Variants in ITGB8 observed in about 807,000 individuals in gnomAD.
ITGB8 encodes the protein integrin subunit beta 8, also known as integrin beta-8.
A neutral mutation model predicts 89.5 loss-of-function variants in ITGB8; 30 were observed. That is an observed-to-expected ratio of 0.34 (90% CI 0.25 to 0.45). ITGB8 has a LOEUF of 0.45. Among genes scored for constraint, ITGB8 ranks in the 20% least tolerant of loss-of-function variants. The pLI is 1.00. For synonymous variants in ITGB8, 335 were observed against 320.4 expected, an observed-to-expected ratio of 1.05 and a Z score of -0.49; for missense variants, 836 against 933.3, an observed-to-expected ratio of 0.90 and a Z score of 1.36.
chr7:20,374,938 G>T (rs1005688605), intron 3 of ITGB8, among the ~76,000 whole-genome samples: 1 of 152,160 alleles, frequency 6.6e-6, no homozygotes, highest in Non-Finnish European at 1.5e-5. Context: ...GACGATAGAG[G>T]TAGACATATG....
At chr7:20,388,493 CAGT>C (rs1333339758) in intron 6 of ITGB8, among the ~76,000 whole-genome samples, 2 of 152,166 alleles carry the variant, frequency 1.3e-5, no homozygotes, top group Admixed American at 1.3e-4. Context: ...CTTCTGTCAA[CAGT>C]GGTTTATTTA....
rs539311415 is a variant in ITGB8, at chr7:20,413,988, A to C, written c.*3991A>C. ...TTTCTTTTATAATTCCTCTATAGCAAATTTTTATGTATAACTGATTATACA... is the reference window on the plus strand; with the variant it reads ...TTTCTTTTATAATTCCTCTATAGCACATTTTTATGTATAACTGATTATACA... On this transcript the variant is annotated 3_prime_UTR_variant, in exon 14 of 14. Transcript: ENST00000222573. 1.3e-5 allele frequency: 2 copies of C among 151,924 alleles called. No individual in the cohort carries two copies. The highest frequency in any genetic ancestry group is 3.9e-4 in the East Asian group (2 of 5,192). 9.4% of individuals were successfully genotyped at this position (151,924 alleles called of 1,614,324 possible).
intron 1 of ITGB8, among the ~76,000 whole-genome samples, chr7:20,349,519 TA>T (rs956119731): frequency 6.6e-6 from 1 of 152,088 alleles, no homozygotes; most frequent in Non-Finnish European, 1.5e-5. Context: ...ATATAATAAA[TA>T]AGTTTTGAAT....
chr7:20,385,289 T>A (rs775991170), intron 6 of ITGB8, among the ~76,000 whole-genome samples: 4 of 152,226 alleles, frequency 2.6e-5, no homozygotes, highest in Non-Finnish European at 4.4e-5. Flanking sequence ...CAGTTTTAAA[T>A]AGCGAGATTC....
chr7:20,405,327 A>ATATAT (rs143005781), intron 11 of ITGB8, among the ~76,000 whole-genome samples: 1,654 of 139,222 alleles, frequency 0.012, 31 homozygotes, highest in African/African-American at 0.045. Flanking sequence ...ATATATATAT[A>ATATAT]TTTTTTTTTT....
At chr7:20,339,902 C>A (rs777795545) in intron 1 of ITGB8, among the ~76,000 whole-genome samples, 11 of 152,130 alleles carry the variant, frequency 7.2e-5, no homozygotes, top group Admixed American at 3.3e-4. Flanking sequence ...GTGGCAGACA[C>A]CTGTAATCCC....
Position 20,379,116 on chromosome 7 carries a change from C to G in ITGB8, c.454C>G (p.Leu152Val). 2 of 1,598,284 alleles carry G rather than the reference C, an allele frequency of 1.3e-6. No individual in the cohort carries two copies. Among genetic ancestry groups the G allele is most frequent in the Non-Finnish European group, 1.7e-6 (2 of 1,169,798 alleles). ...LKKYPVDLYY[L>V]VDVSASMHNN... ...GAAATATCCTGTGGATCTTTATTAT[C>G]TTGTTGATGTCTCAGCATCAATGCA... Residue 152 changes from leucine (L) to valine (V), a missense_variant, in exon 4 of 14, where the codon CTT becomes GTT. Around this residue, in one of 5 missense-constraint regions of ITGB8, gnomAD observed 38 missense variants for 52.2 expected, o/e 0.73. Transcript: ENST00000222573.
In ITGB8 at chr7:20,401,982, A is replaced by G; in HGVS notation, c.1543A>G (p.Lys515Glu). The G allele has an allele frequency of 6.2e-7, 1 of 1,614,208 alleles. No homozygotes were observed. The highest frequency in any genetic ancestry group is 8.5e-7 in the Non-Finnish European group (1 of 1,180,012). ...TTCTTCTGAGAGTTGCAAGTCACACAAGGATCAGCCTGTTTGCAGTGGTCG... is the reference window on the plus strand; with the variant it reads ...TTCTTCTGAGAGTTGCAAGTCACACGAGGATCAGCCTGTTTGCAGTGGTCG... ...QFSSESCKSH[K>E]DQPVCSGRGV... The change falls in exon 10 of 14, where the codon AAG becomes GAG. Residue 515 changes from lysine to glutamate, a missense_variant. Physicochemically the swap from Lys to Glu is moderately conservative, Grantham distance 56 (BLOSUM62 1). Coordinates refer to ENST00000222573, the MANE Select transcript of ITGB8 (RefSeq NM_002214.3).
chr7:20,390,364 T>A (rs1786805306), intron 6 of ITGB8, among the ~76,000 whole-genome samples: 1 of 152,144 alleles, frequency 6.6e-6, no homozygotes, highest in Non-Finnish European at 1.5e-5. Flanking sequence ...TTCGAGACAA[T>A]CATTTTAATT....
In ITGB8 at chr7:20,363,708, T is replaced by A; in HGVS notation, c.199T>A (p.Trp67Arg). Residue 67 changes from tryptophan to arginine, a missense_variant, in exon 2 of 14, where the codon TGG becomes AGG. Transcript: ENST00000222573. ...CCTTGCGCTGGGTCCAGAATGTGGA[T>A]GGTGTGTTCAAGAGGTGTGCCATTT... ...RCLALGPECGWCVQEDFISGG... is the reference protein window; with the variant it reads ...RCLALGPECGRCVQEDFISGG... 6.3e-7 allele frequency: 1 copy of A among 1,596,966 alleles called. No individual in the cohort carries two copies.
At chr7:20,384,932 T>TA (rs112802250) in intron 6 of ITGB8, among the ~76,000 whole-genome samples, 55,493 of 152,134 alleles carry the variant, frequency 0.36, 10,473 homozygotes, top group Non-Finnish European at 0.4. Context: ...AGTGCCAGAA[T>TA]AAAAAACTGT....
intron 10 of ITGB8, among the ~76,000 whole-genome samples, chr7:20,404,249 T>C (rs1562703320): frequency 1.3e-5 from 2 of 152,238 alleles, no homozygotes; most frequent in Non-Finnish European, 2.9e-5. Flanking sequence ...CCATATCAAA[T>C]ACCTGTATCT....
Position 20,363,675 on chromosome 7 carries a change from G to A in ITGB8, c.166G>A (p.Ala56Thr). The A allele has an allele frequency of 6.2e-7, 1 of 1,605,444 alleles. No individual in the cohort carries two copies. Among genetic ancestry groups the A allele is most frequent in the South Asian group, 1.1e-5 (1 of 89,042 alleles). ...RCASSNAASC[A>T]RCLALGPECG... ...TGCATCTTCAAATGCAGCATCCTGT[G>A]CCAGGTGCCTTGCGCTGGGTCCAGA... Residue 56 changes from alanine to threonine, a missense_variant, in exon 2 of 14, where the codon GCC (alanine) becomes ACC (threonine). By Grantham distance (58) the Ala-to-Thr change is moderately conservative. Around this residue, in one of 5 missense-constraint regions of ITGB8, gnomAD observed 182 missense variants for 177.0 expected, o/e 1.03. Transcript: ENST00000222573.
At chr7:20,339,781 A>C (rs1418759848) in intron 1 of ITGB8, among the ~76,000 whole-genome samples, 1 of 152,178 alleles carries the variant, frequency 6.6e-6, no homozygotes, top group Non-Finnish European at 1.5e-5. Context: ...TAATCTCAGC[A>C]CTTTGGGAGG....
At chr7:20,389,398 T>C (rs140800913) in intron 6 of ITGB8, among the ~76,000 whole-genome samples, 165 of 152,326 alleles carry the variant, frequency 1.1e-3, no homozygotes, top group African/African-American at 3.7e-3. Flanking sequence ...CTTAATAAGC[T>C]TCTGACCAAA....
At chr7:20,403,137 G>C (rs1401466364) in intron 10 of ITGB8, among the ~76,000 whole-genome samples, 1 of 152,134 alleles carries the variant, frequency 6.6e-6, no homozygotes, top group African/African-American at 2.4e-5. Context: ...ATGGAAAATT[G>C]TCTTTTTATT....
At chr7:20,364,262 C>T (rs1016375026) in intron 2 of ITGB8, among the ~76,000 whole-genome samples, 1 of 152,082 alleles carries the variant, frequency 6.6e-6, no homozygotes, top group Non-Finnish European at 1.5e-5. Context: ...AAGAAGCGAT[C>T]TGCTAATCTG....
intron 6 of ITGB8, among the ~76,000 whole-genome samples, chr7:20,386,996 C>T (rs1219382426): frequency 1.3e-5 from 2 of 152,138 alleles, no homozygotes; most frequent in South Asian, 2.1e-4. Flanking sequence ...CAAACATCTG[C>T]AGGGCCAGGT....
intron 1 of ITGB8, 143 bp downstream of exon 1, chr7:20,332,076 T>G: frequency 1.4e-6 from 2 of 1,434,270 alleles, no homozygotes; most frequent in Middle Eastern, 5.0e-4. Flanking sequence ...GGCAGCGTCC[T>G]CCAGCACAGA....
Sources: gnomAD v4.1 joint callset for allele counts (sites outside exome capture counted in the v4.1 genomes callset) on GRCh38, gnomAD v4.1.1 for gene constraint, gnomAD v4.1.1 regional missense constraint, MANE v1.5 for transcripts, NCBI Gene and HGNC (gene_info 2026-07-23, HGNC 2026-07-21) for gene names.